MTUS1: variants seen among roughly 807,000 people sequenced by gnomAD.
MTUS1 encodes microtubule-associated tumor suppressor 1.
In MTUS1, 109 loss-of-function variants were observed where a neutral mutation model predicts 120.8. The ratio of observed to expected loss-of-function variants is 0.90; its 90% confidence interval spans 0.77 to 1.06. The LOEUF is 1.06. MTUS1 is among the 50% of genes least tolerant of loss of function. MTUS1 has a pLI of 0.00. For synonymous variants in MTUS1, 737 were observed against 550.5 expected (o/e 1.34, Z -4.74); for missense variants, 2,210 against 1,486.3 (o/e 1.49, Z -8.01).
chr8:17,737,791 C>G (rs117979), intron 3 of MTUS1, among the ~76,000 whole-genome samples: 112,114 of 152,154 alleles, frequency 0.74, 41,699 homozygotes, highest in Middle Eastern at 0.86. Context: ...CCGGCCTCAA[C>G]TTGGCTTTTA....
At chr8:17,790,905 T>A (rs766560739) in intron 1 of MTUS1, among the ~76,000 whole-genome samples, 2 of 152,054 alleles carry the variant, frequency 1.3e-5, no homozygotes, top group African/African-American at 4.8e-5. Flanking sequence ...GAGAATCGCT[T>A]GAATCCGGGA....
chr8:17,655,512 T>A (rs1272959969), intron 9 of MTUS1, among the ~76,000 whole-genome samples: 1 of 152,112 alleles, frequency 6.6e-6, no homozygotes, highest in Non-Finnish European at 1.5e-5. Context: ...TCACCTGAGG[T>A]TGGGAGTTTG....
intron 1 of MTUS1, among the ~76,000 whole-genome samples, chr8:17,794,675 T>G (rs542247553): frequency 6.6e-6 from 1 of 152,352 alleles, no homozygotes; most frequent in South Asian, 2.1e-4. Context: ...GGTTCAATTC[T>G]GTAATTTGAT....
In MTUS1 at chr8:17,770,066, T is replaced by C. The variant is rs559969654; in HGVS notation, c.-154-14105A>G. On this transcript the variant is annotated intron_variant, in intron 1 of 14. Coordinates refer to ENST00000693296, the MANE Select transcript of MTUS1 (RefSeq NM_001363059.2). The stretch of plus-strand genomic sequence containing the variant: ...CTGCCGCACTCCATACAATTGTTGG[T>C]GTAACCATAAAATAACCACAGTCAT... 2.6e-5 allele frequency among the ~76,000 whole-genome samples: 4 copies of C among 152,292 alleles called. No homozygotes were observed. In the South Asian group the frequency reaches 8.3e-4, roughly 32 times the overall value.
chr8:17,751,574 A>ATC (rs1247422734), intron 2 of MTUS1, among the ~76,000 whole-genome samples: 4 of 148,860 alleles, frequency 2.7e-5, no homozygotes, highest in Non-Finnish European at 6.0e-5. Context: ...GTGAAAAAAG[A>ATC]GTAGGCCGGG....
chr8:17,784,477 T>C (rs953146788), intron 1 of MTUS1, among the ~76,000 whole-genome samples: 7 of 152,090 alleles, frequency 4.6e-5, no homozygotes, highest in African/African-American at 1.7e-4. Flanking sequence ...GTATTTTTAG[T>C]GGAGATGAAG....
intron 1 of MTUS1, among the ~76,000 whole-genome samples, chr8:17,769,346 ATTTTTTTT>A (rs34688586): frequency 1.9e-5 from 2 of 106,044 alleles, no homozygotes; most frequent in African/African-American, 7.2e-5. Flanking sequence ...TTAGTCAGTA[ATTTTTTTT>A]TTTTTTTTTT....
intron 6 of MTUS1, among the ~76,000 whole-genome samples, chr8:17,698,145 C>A (rs400729): frequency 0.049 from 7,398 of 152,220 alleles, 582 homozygotes; most frequent in African/African-American, 0.17. Flanking sequence ...AAGATTAATA[C>A]GGTTTCTCTA....
At chr8:17,798,115 T>G (rs78278721) in intron 1 of MTUS1, among the ~76,000 whole-genome samples, 2,312 of 152,310 alleles carry the variant, frequency 0.015, 53 homozygotes, top group African/African-American at 0.052. Flanking sequence ...AAATGGAGTG[T>G]GAGCCTACTT....
chr8:17,794,047 G>T (rs1396134201), intron 1 of MTUS1, among the ~76,000 whole-genome samples: 1 of 152,140 alleles, frequency 6.6e-6, no homozygotes, highest in Non-Finnish European at 1.5e-5. Flanking sequence ...CCAAACACAG[G>T]CCGGGCACAG....
intron 3 of MTUS1, among the ~76,000 whole-genome samples, chr8:17,737,966 A>C (rs2047048912): frequency 6.6e-6 from 1 of 152,216 alleles, no homozygotes; most frequent in African/African-American, 2.4e-5. Context: ...CCTTAACACG[A>C]AATGAATGAA....
intron 8 of MTUS1, among the ~76,000 whole-genome samples, chr8:17,670,354 G>C (rs1444869694): frequency 1.3e-5 from 2 of 152,178 alleles, no homozygotes; most frequent in Admixed American, 6.5e-5. Flanking sequence ...CATGGGAATG[G>C]ATGAGAAAAC....
Position 17,766,118 on chromosome 8 carries a change from C to T in MTUS1, c.-154-10157G>A, listed in dbSNP as rs181459151. On this transcript the variant is annotated intron_variant, in intron 1 of 14. Transcript: ENST00000693296. ...TTTAAGACTGGTTGACACTGGGTGCCGATTTAGTGAATTTTTGTCACCAAG... is the reference window on the plus strand; with the variant it reads ...TTTAAGACTGGTTGACACTGGGTGCTGATTTAGTGAATTTTTGTCACCAAG... Among the ~76,000 whole-genome samples, 5 of 152,176 alleles carry T rather than the reference C, an allele frequency of 3.3e-5. No individual in the cohort carries two copies. The East Asian group carries it at 7.7e-4, about 23-fold the overall frequency.
At chr8:17,698,416 G>A (rs1818395605) in intron 6 of MTUS1, among the ~76,000 whole-genome samples, 3 of 151,892 alleles carry the variant, frequency 2.0e-5, no homozygotes, top group African/African-American at 7.3e-5. Flanking sequence ...ACAAAGATAT[G>A]GTTATAAGAA....
chr8:17,658,105 T>G (rs988037670), intron 8 of MTUS1, among the ~76,000 whole-genome samples: 2 of 148,968 alleles, frequency 1.3e-5, no homozygotes, highest in Non-Finnish European at 3.0e-5. Context: ...TGACACAATC[T>G]TGGCTCACTG....
intron 8 of MTUS1, among the ~76,000 whole-genome samples, chr8:17,671,271 T>G (rs1811966489): frequency 6.7e-6 from 1 of 150,070 alleles, no homozygotes; most frequent in South Asian, 2.1e-4. Context: ...TCATACATTG[T>G]TCTAAAAAAA....
chr8:17,657,290 CG>C (rs1345679906), intron 8 of MTUS1, among the ~76,000 whole-genome samples: 3 of 151,738 alleles, frequency 2.0e-5, no homozygotes, highest in Admixed American at 1.3e-4. Flanking sequence ...AAGCTGAGAC[CG>C]GGCGCGGTGG....
chr8:17,730,225 C>G (rs1228958808), intron 3 of MTUS1, among the ~76,000 whole-genome samples: 1 of 152,128 alleles, frequency 6.6e-6, no homozygotes, highest in African/African-American at 2.4e-5. Flanking sequence ...TGCCTGTAAT[C>G]CCAGCACTTT....
chr8:17,719,196 G>C (rs1318742792), intron 4 of MTUS1, among the ~76,000 whole-genome samples: 1 of 152,114 alleles, frequency 6.6e-6, no homozygotes, highest in Non-Finnish European at 1.5e-5. Flanking sequence ...GCTTCTCATT[G>C]TTTCAGACTT....
Sources: gnomAD v4.1 joint callset for allele counts (sites outside exome capture counted in the v4.1 genomes callset) on GRCh38, gnomAD v4.1.1 for gene constraint, MANE v1.5 for transcripts, NCBI Gene and HGNC (gene_info 2026-07-23, HGNC 2026-07-21) for gene names.